INPP5E: variants seen among roughly 807,000 people sequenced by gnomAD.
INPP5E encodes phosphatidylinositol polyphosphate 5-phosphatase type IV.
Under a neutral mutation model 50.5 loss-of-function variants are expected in INPP5E, and 34 were observed. That is an observed-to-expected ratio of 0.67 (90% CI 0.51 to 0.90). The LOEUF is 0.90. Among genes scored for constraint, INPP5E ranks in the 40% least tolerant of loss-of-function variants. The pLI is 0.00. For synonymous variants in INPP5E, 447 were observed against 406.0 expected, an observed-to-expected ratio of 1.10 and a Z score of -1.21; for missense variants, 942 against 905.5, an observed-to-expected ratio of 1.04 and a Z score of -0.52.
In INPP5E at chr9:136,433,019, C is replaced by T. The variant is rs1835746686; in HGVS notation, c.1216G>A (p.Ala406Thr). 1.2e-6 allele frequency: 2 copies of T among 1,613,462 alleles called. No homozygotes were observed. The highest frequency in any genetic ancestry group is 1.7e-6 in the Non-Finnish European group (2 of 1,179,888). Residue 406 changes from alanine (A) to threonine (T), a missense_variant, in exon 5 of 10, where the codon GCC (alanine) becomes ACC (threonine). Transcript: ENST00000371712. ...RIVSQIKTKG[A>T]LGISFTFFGT... ...AAAAAGGTGAAGCTGATGCCCAAGG[C>T]CCCCTTGGTCTTGATCTGAGACACG...
In INPP5E at chr9:136,439,322, G is replaced by A; in HGVS notation, c.98C>T (p.Ala33Val). Residue 33 changes from alanine (A) to valine (V), a missense_variant, in exon 1 of 10, where the codon GCC becomes GTC. Coordinates refer to ENST00000371712, the MANE Select transcript of INPP5E (RefSeq NM_019892.6). ...ATCGGGTGGGGACCCCGCGCGCTGG[G>A]CCGGCGGAGCGCCGGGAAGCTGTCC... ...LQGQLPGAPP[A>V]QRAGSPPDAP... 2.1e-6 allele frequency: 3 copies of A among 1,407,054 alleles called. No individual in the cohort carries two copies. The highest frequency in any genetic ancestry group is 2.8e-6 in the Non-Finnish European group (3 of 1,089,988). 87.2% of individuals were successfully genotyped at this position (1,407,054 alleles called of 1,614,324 possible).
intron 1 of INPP5E, 160 bp downstream of exon 1, chr9:136,438,448 G>T (rs1835883968): frequency 2.9e-6 from 2 of 687,626 alleles, no homozygotes; most frequent in Non-Finnish European, 5.2e-6. Context: ...GCGCTGCTGT[G>T]GGGTGGGGCT....
Position 136,433,011 on chromosome 9 carries a change from G to A in INPP5E, c.1224C>T (p.Gly408=), listed in dbSNP as rs769914491. 6.2e-6 allele frequency: 10 copies of A among 1,613,708 alleles called. No individual in the cohort carries two copies. The Admixed American group carries it at 6.7e-5, about 11-fold the overall frequency. ...VSQIKTKGAL[G]ISFTFFGTSF... ...AAGTGCCAAAAAAGGTGAAGCTGATGCCCAAGGCCCCCTTGGTCTTGATCT... is the reference window on the plus strand; with the variant it reads ...AAGTGCCAAAAAAGGTGAAGCTGATACCCAAGGCCCCCTTGGTCTTGATCT... The change falls in exon 5 of 10, where the codon GGC becomes GGT. Residue 408 remains glycine, a synonymous_variant. Coordinates refer to ENST00000371712, the MANE Select transcript of INPP5E (RefSeq NM_019892.6).
At position 136,433,299 on chromosome 9, in the gene INPP5E, GC is replaced by G; in HGVS notation, c.1035-21del. The G allele has an allele frequency of 6.4e-7, 1 of 1,565,428 alleles. No homozygotes were observed. The highest frequency in any genetic ancestry group is 1.1e-5 in the South Asian group (1 of 87,416). On this transcript the variant is annotated intron_variant, in intron 3 of 9. Coordinates refer to ENST00000371712, the MANE Select transcript of INPP5E (RefSeq NM_019892.6). ...TCCCGCCTGCAGAGGAGGAAGCACG[GC>G]CGGCTGGGGGACATGGCCTCCCAGC...
In INPP5E at chr9:136,439,016, G is replaced by A; in HGVS notation, c.404C>T (p.Thr135Ile). 1 of 1,587,326 alleles carries A rather than the reference G, an allele frequency of 6.3e-7. No homozygotes were observed. Among genetic ancestry groups the A allele is most frequent in the Non-Finnish European group, 8.6e-7 (1 of 1,167,696 alleles). Residue 135 changes from threonine to isoleucine, a missense_variant, in exon 1 of 10, where the codon ACC (threonine) becomes ATC (isoleucine). Thr to Ile is a moderately conservative substitution (Grantham distance 89, BLOSUM62 -1). Coordinates refer to ENST00000371712, the MANE Select transcript of INPP5E (RefSeq NM_019892.6). ...AHSCSPPCLS[T>I]SLQEIPKSRG... is the part of the protein sequence containing the mutation. ...GGACTTGGGGATTTCCTGCAAGGAGGTGCTCAGGCAGGGCGGGGAGCAGCT... is the reference window on the plus strand; with the variant it reads ...GGACTTGGGGATTTCCTGCAAGGAGATGCTCAGGCAGGGCGGGGAGCAGCT...
In INPP5E at chr9:136,429,489, C is replaced by G. The variant is rs531281897; in HGVS notation, c.*186G>C. On this transcript the variant is annotated 3_prime_UTR_variant, in exon 10 of 10. Coordinates refer to ENST00000371712, the MANE Select transcript of INPP5E (RefSeq NM_019892.6). ...GGGTCCAAGCCCTGCCCACCCACAC[C>G]GTGTGGACCTGCCACAGAGGACAGG... 5.1e-6 allele frequency: 4 copies of G among 781,686 alleles called. No individual in the cohort carries two copies. Among genetic ancestry groups the G allele is most frequent in the African/African-American group, 5.0e-5 (3 of 59,512 alleles). 48.4% of individuals were successfully genotyped at this position (781,686 alleles called of 1,614,324 possible).
At chr9:136,438,356 T>C in intron 1 of INPP5E, 4 of 590,070 alleles carry the variant, frequency 6.8e-6, no homozygotes, top group Admixed American at 3.0e-5. Context: ...CGTAATTGTA[T>C]GCAGGATGCC....
intron 8 of INPP5E, among the ~76,000 whole-genome samples, 162 bp downstream of exon 8, chr9:136,430,840 C>T (rs1835681666): frequency 6.6e-6 from 1 of 152,116 alleles, no homozygotes; most frequent in South Asian, 2.1e-4. Context: ...GGAGAGGGCG[C>T]CGTTCTCCAC....
intron 6 of INPP5E, 49 bp downstream of exon 6, chr9:136,432,430 G>T: frequency 7.7e-7 from 1 of 1,300,012 alleles, no homozygotes. Flanking sequence ...ACGGGCGCCC[G>T]TGTGCGAACC....
chr9:136,432,474 C>T lies in INPP5E; in HGVS notation c.1387+5G>A. The T allele has an allele frequency of 1.3e-6, 2 of 1,543,204 alleles. No individual in the cohort carries two copies. Among genetic ancestry groups the T allele is most frequent in the Non-Finnish European group, 1.8e-6 (2 of 1,140,550 alleles). The stretch of plus-strand genomic sequence containing the variant: ...ACCACCCACACGCAGCGTGGACGCC[C>T]TCACCTGCGCTGGAGCGATAGGGGT... On this transcript the variant is annotated splice_donor_5th_base_variant and intron_variant, in intron 6 of 9. Coordinates refer to ENST00000371712, the MANE Select transcript of INPP5E (RefSeq NM_019892.6).
In INPP5E at chr9:136,434,848, G is replaced by T. The variant is rs1375623108; in HGVS notation, c.828C>A (p.Gly276=). 6.2e-7 allele frequency: 1 copy of T among 1,609,188 alleles called. No individual in the cohort carries two copies. The change falls in exon 2 of 10, where the codon GGC becomes GGA. Residue 276 remains glycine, a synonymous_variant. Transcript: ENST00000371712. ...KDVRSRSYLE[G]SLLASGALLG... ...ACAGGGCCCCGCTGGCCAGGAGGCT[G>T]CCCTCCAGGTAACTCCTGTGACGGG...
At position 136,431,925 on chromosome 9, in the gene INPP5E, C is replaced by T; in HGVS notation, c.1448G>A (p.Ser483Asn). 6.2e-7 allele frequency: 1 copy of T among 1,612,030 alleles called. No individual in the cohort carries two copies. The highest frequency in any genetic ancestry group is 1.1e-5 in the South Asian group (1 of 91,018). Reference protein sequence around the residue: ...FWFGDFNFRLSGGRTVVDALL... With the variant: ...FWFGDFNFRLNGGRTVVDALL... ...GGCGTCCACGACTGTGCGCCCGCCA[C>T]TCAGGCGGAAGTTGAAGTCTCCAAA... The change falls in exon 7 of 10, where the codon AGT becomes AAT. Residue 483 changes from serine (S) to asparagine (N), a missense_variant. By Grantham distance (46) the Ser-to-Asn change is conservative. Transcript: ENST00000371712.
chr9:136,431,049 T>G lies in INPP5E; in HGVS notation c.1618A>C (p.Lys540Gln). ...TTGGAGGTGCTGTCGTACGTGTCCT[T>G]CCCGATGTCAAACTTGTATGATGGG... ...FLPSYKFDIG[K>Q]DTYDSTSKQR... is the part of the protein sequence containing the mutation. Residue 540 changes from lysine to glutamine, a missense_variant, in exon 8 of 10, where the codon AAG (lysine) becomes CAG (glutamine). By Grantham distance (53) the Lys-to-Gln change is moderately conservative. Transcript: ENST00000371712. The G allele has an allele frequency of 6.2e-7, 1 of 1,613,196 alleles. No individual in the cohort carries two copies. The highest frequency in any genetic ancestry group is 8.5e-7 in the Non-Finnish European group (1 of 1,179,674).
chr9:136,431,207 G>GCCCCCCCCCCCCCC, intron 7 of INPP5E, 90 bp from the exon 8 acceptor site: 13 of 683,436 alleles, frequency 1.9e-5, no homozygotes, highest in South Asian at 6.1e-5. Context: ...CTCCCACCAC[G>GCCCCCCCCCCCCCC]CCCACCCTCC....
Position 136,431,135 on chromosome 9 carries a change from C to T in INPP5E, c.1550-18G>A. 1.3e-6 allele frequency: 2 copies of T among 1,545,674 alleles called. No homozygotes were observed. Among genetic ancestry groups the T allele is most frequent in the East Asian group, 2.3e-5 (1 of 44,412 alleles). ...GATGGACCCTGCCACAGGATGGGCA[C>T]TCGGACTGGCTCAGACCAGCTTGTG... On this transcript the variant is annotated intron_variant, in intron 7 of 9. Transcript: ENST00000371712.
intron 3 of INPP5E, among the ~76,000 whole-genome samples, chr9:136,433,709 A>G (rs896703341): frequency 6.6e-6 from 1 of 152,186 alleles, no homozygotes; most frequent in African/African-American, 2.4e-5. Context: ...TTTGTTACCA[A>G]AATCAAATCT....
rs774539451 is a variant in INPP5E, at chr9:136,434,870, C to T, written c.813-7G>A. ...GCTGCCCTCCAGGTAACTCCTGTGA[C>T]GGGAGGACCCCAAGCTCAGGGCCAG... On this transcript the variant is annotated splice_polypyrimidine_tract_variant and splice_region_variant and intron_variant, in intron 1 of 9. Coordinates refer to ENST00000371712, the MANE Select transcript of INPP5E (RefSeq NM_019892.6). The T allele has an allele frequency of 1.3e-5, 21 of 1,603,380 alleles. 1 individual carries two copies. The highest frequency in any genetic ancestry group is 9.0e-5 in the South Asian group (8 of 89,348).
intron 1 of INPP5E, chr9:136,435,835 A>T (rs1294933992): frequency 6.6e-6 from 1 of 152,220 alleles, no homozygotes; most frequent in Non-Finnish European, 1.5e-5. Flanking sequence ...CAGACACTGA[A>T]ATCTGAATTT....
In INPP5E at chr9:136,432,612, A is replaced by G. The variant is rs34302850; in HGVS notation, c.1280-26T>C. 395,258 of 1,418,354 alleles carry G rather than the reference A, an allele frequency of 0.28. 57,931 individuals carry two copies. The highest frequency in any genetic ancestry group is 0.3 in the Non-Finnish European group (310,211 of 1,029,584). 87.9% of individuals were successfully genotyped at this position (1,418,354 alleles called of 1,614,324 possible). A position where few individuals can be genotyped will look rare whatever the true frequency, so the allele number is the denominator to read the frequency against. On this transcript the variant is annotated intron_variant, in intron 5 of 9. Transcript: ENST00000371712. ...CTGTGGGAACAGAAATGGGGTAGGGACCACAGGGTTCCGGATGCTCGAGTC... is the reference window on the plus strand; with the variant it reads ...CTGTGGGAACAGAAATGGGGTAGGGGCCACAGGGTTCCGGATGCTCGAGTC...
Sources: gnomAD v4.1 joint callset for allele counts (sites outside exome capture counted in the v4.1 genomes callset) on GRCh38, gnomAD v4.1.1 for gene constraint, MANE v1.5 for transcripts, NCBI Gene and HGNC (gene_info 2026-07-23, HGNC 2026-07-21) for gene names.